Variants in RPN1 observed in about 807,000 individuals in gnomAD.
RPN1 encodes the protein ribophorin I.
Under a neutral mutation model 55.5 loss-of-function variants are expected in RPN1, and 12 were observed. The observed-to-expected ratio is 0.22, with a 90% CI of 0.14 to 0.35. RPN1 has a LOEUF of 0.35. RPN1 is among the 10% of genes least tolerant of loss of function. The probability of loss-of-function intolerance (pLI) is 1.00; values close to 1 mark genes in which losing one functional copy is unlikely to be tolerated. For synonymous variants in RPN1, 317 were observed against 305.9 expected, an observed-to-expected ratio of 1.04 and a Z score of -0.38; for missense variants, 679 against 761.3, an observed-to-expected ratio of 0.89 and a Z score of 1.27.
rs773918817 is a variant in RPN1, at chr3:128,626,810, C to T, written c.1059G>A (p.Met353Ile). The change falls in exon 6 of 10, where the codon ATG becomes ATA. Residue 353 changes from methionine to isoleucine, a missense_variant. Transcript: ENST00000296255. ...CATCAAACACATGGTCCACAAACCT[C>T]ATCTTCAGTGCATACTGGTCACCTG... ...YNLGDQYALK[M>I]RFVDHVFDEQ... 1.2e-6 allele frequency: 2 copies of T among 1,614,146 alleles called. No individual in the cohort carries two copies. The highest frequency in any genetic ancestry group is 1.7e-5 in the Admixed American group (1 of 60,024).
At chr3:128,645,021 T>C (rs1202853625) in intron 1 of RPN1, 38 bp from the exon 2 acceptor site, 2 of 1,253,028 alleles carry the variant, frequency 1.6e-6, no homozygotes, top group East Asian at 2.3e-5. Context: ...TCATGTCTTT[T>C]GGCTTCTAAA....
intron 1 of RPN1, among the ~76,000 whole-genome samples, chr3:128,650,054 A>C (rs1220635487): frequency 6.6e-6 from 1 of 152,186 alleles, no homozygotes; most frequent in Non-Finnish European, 1.5e-5. Flanking sequence ...AATTCACTTT[A>C]ATTCATTTAT....
At chr3:128,627,041 C>T (rs1451164310) in intron 5 of RPN1, 2 of 557,302 alleles carry the variant, frequency 3.6e-6, no homozygotes, top group African/African-American at 1.9e-5. Flanking sequence ...ACACCGACAG[C>T]CACAAGACCT....
intron 9 of RPN1, among the ~76,000 whole-genome samples, chr3:128,621,347 C>CA (rs1177303581): frequency 6.6e-6 from 1 of 152,084 alleles, no homozygotes; most frequent in East Asian, 1.9e-4. Context: ...CCCATCTCTA[C>CA]AAAAAATTAG....
In RPN1 at chr3:128,645,000, T is replaced by C. The variant is rs553434907; in HGVS notation, c.262-17A>G. 3.5e-5 allele frequency: 51 copies of C among 1,466,238 alleles called. No homozygotes were observed. The highest frequency in any genetic ancestry group is 3.9e-5 in the Non-Finnish European group (41 of 1,045,904). The allele number at this position is 1,466,238 out of a possible 1,614,324, so 90.8% of individuals were successfully genotyped here. On this transcript the variant is annotated splice_polypyrimidine_tract_variant and intron_variant, in intron 1 of 9. Transcript: ENST00000296255. Reference sequence around the variant, plus strand: ...TCCCTTTACCTACAACAGAAAAAGATAGTTTATTATTCATGTCTTTTGGCT... The same window carrying C: ...TCCCTTTACCTACAACAGAAAAAGACAGTTTATTATTCATGTCTTTTGGCT...
At chr3:128,639,592 A>G (rs1299715913) in intron 2 of RPN1, among the ~76,000 whole-genome samples, 3 of 151,122 alleles carry the variant, frequency 2.0e-5, no homozygotes, top group African/African-American at 7.3e-5. Flanking sequence ...ATTTTTTATT[A>G]TTATTATTTT....
At chr3:128,625,708 G>A (rs1473480590) in intron 7 of RPN1, 55 bp from the exon 8 acceptor site, 1 of 1,611,098 alleles carries the variant, frequency 6.2e-7, no homozygotes, top group Non-Finnish European at 8.5e-7. Context: ...TGGGAGCCTA[G>A]ACTCACCCAG....
At chr3:128,635,749 G>C (rs1456948395) in intron 3 of RPN1, among the ~76,000 whole-genome samples, 1 of 146,346 alleles carries the variant, frequency 6.8e-6, no homozygotes, top group Non-Finnish European at 1.5e-5. Flanking sequence ...GGTACACCTG[G>C]CCTTATATAT....
chr3:128,637,571 C>T (rs901467454), intron 3 of RPN1, among the ~76,000 whole-genome samples: 1 of 151,818 alleles, frequency 6.6e-6, no homozygotes, highest in Non-Finnish European at 1.5e-5. Context: ...ATCTCCAACA[C>T]CCATTCCACC....
intron 3 of RPN1, among the ~76,000 whole-genome samples, chr3:128,632,698 G>A (rs796362599): frequency 4.6e-5 from 7 of 151,906 alleles, no homozygotes; most frequent in African/African-American, 9.7e-5. Flanking sequence ...GGGTTCAAGC[G>A]ATTCTCCTGC....
At chr3:128,626,876 C>G (rs1490508540) in intron 5 of RPN1, 44 bp from the exon 6 acceptor site, 1 of 1,560,168 alleles carries the variant, frequency 6.4e-7, no homozygotes, top group Admixed American at 1.7e-5. Flanking sequence ...GAAAACGGAT[C>G]AAATGGGCAG....
At chr3:128,622,875 C>T (rs2335236) in intron 8 of RPN1, among the ~76,000 whole-genome samples, 90,774 of 147,784 alleles carry the variant, frequency 0.61, 27,822 homozygotes, top group East Asian at 0.77. Context: ...CCAGCCTGGG[C>T]GACAGAGCGA....
At chr3:128,649,783 G>A (rs2069800396) in intron 1 of RPN1, among the ~76,000 whole-genome samples, 1 of 152,204 alleles carries the variant, frequency 6.6e-6, no homozygotes, top group Non-Finnish European at 1.5e-5. Context: ...ATGAGAAGCA[G>A]CAGGGGGAAG....
chr3:128,642,618 C>T (rs1236148444), intron 2 of RPN1: 1 of 152,140 alleles, frequency 6.6e-6, no homozygotes, highest in African/African-American at 2.4e-5. Flanking sequence ...ATCACTTGAG[C>T]CTGGGAGGCA....
At chr3:128,637,382 A>G (rs1344533337) in intron 3 of RPN1, among the ~76,000 whole-genome samples, 1 of 152,166 alleles carries the variant, frequency 6.6e-6, no homozygotes, top group African/African-American at 2.4e-5. Flanking sequence ...GATTTGCCAT[A>G]GTAACAAAAT....
chr3:128,635,946 C>G (rs1183584756), intron 3 of RPN1, among the ~76,000 whole-genome samples: 2 of 151,080 alleles, frequency 1.3e-5, no homozygotes, highest in Admixed American at 1.3e-4. Context: ...TTGTTACATA[C>G]AACTTGTTAT....
chr3:128,629,939 T>C lies in RPN1; in HGVS notation c.1036+12A>G. The C allele has an allele frequency of 3.3e-6, 5 of 1,521,498 alleles. No homozygotes were observed. The highest frequency in any genetic ancestry group is 1.1e-5 in the South Asian group (1 of 87,124). The allele number at this position is 1,521,498 out of a possible 1,614,324, so 94.2% of individuals were successfully genotyped here. A position where few individuals can be genotyped will look rare whatever the true frequency, so the allele number is the denominator to read the frequency against. ...GAAAAGGTTAGTTTCTCCCTTACTATTGAAGACTGACCCAAATTATAGAGG... is the reference window on the plus strand; with the variant it reads ...GAAAAGGTTAGTTTCTCCCTTACTACTGAAGACTGACCCAAATTATAGAGG... On this transcript the variant is annotated intron_variant, in intron 5 of 9. Coordinates refer to ENST00000296255, the MANE Select transcript of RPN1 (RefSeq NM_002950.4).
At chr3:128,647,604 T>C (rs1408240504) in intron 1 of RPN1, among the ~76,000 whole-genome samples, 4 of 150,754 alleles carry the variant, frequency 2.7e-5, no homozygotes, top group African/African-American at 7.3e-5. Flanking sequence ...GGTGGGAGGA[T>C]AGCTTGAGCC....
At chr3:128,633,803 T>G (rs2069658293) in intron 3 of RPN1, among the ~76,000 whole-genome samples, 1 of 151,450 alleles carries the variant, frequency 6.6e-6, no homozygotes, top group East Asian at 1.9e-4. Context: ...GCCAATATGG[T>G]GAAACCCCGT....
Sources: allele counts gnomAD v4.1 joint callset (sites outside exome capture counted in the v4.1 genomes callset), GRCh38; gene constraint gnomAD v4.1.1; transcripts MANE v1.5; gene names NCBI Gene and HGNC (gene_info 2026-07-23, HGNC 2026-07-21).